HMGCLL1: variants seen among roughly 807,000 people sequenced by gnomAD.
HMGCLL1 encodes 3-hydroxymethyl-3-methylglutaryl-CoA lyase, cytoplasmic.
In HMGCLL1, 36 loss-of-function variants were observed where a neutral mutation model predicts 39.1. The ratio of observed to expected loss-of-function variants is 0.92; its 90% confidence interval spans 0.71 to 1.22. The LOEUF (loss-of-function observed/expected upper bound fraction) is 1.22. HMGCLL1 is among the 50% of genes most tolerant of loss of function. The pLI, the probability that HMGCLL1 is intolerant of heterozygous loss-of-function variation, is 0.00. For missense variants in HMGCLL1, 451 were observed against 416.5 expected, an observed-to-expected ratio of 1.08 and a Z score of -0.72; for synonymous variants, 149 against 144.0, an observed-to-expected ratio of 1.03 and a Z score of -0.25.
intron 7 of HMGCLL1, among the ~76,000 whole-genome samples, chr6:55,463,632 C>A (rs1225106353): frequency 6.6e-6 from 1 of 152,114 alleles, no homozygotes; most frequent in African/African-American, 2.4e-5. Flanking sequence ...GGGGCAACTG[C>A]AGACATTTAC....
At chr6:55,462,547 G>C (rs931677066) in intron 7 of HMGCLL1, among the ~76,000 whole-genome samples, 1 of 152,022 alleles carries the variant, frequency 6.6e-6, no homozygotes, top group African/African-American at 2.4e-5. Context: ...AGAGACTTAA[G>C]TTTCAAAACA....
chr6:55,453,530 T>C (rs1333529664), intron 7 of HMGCLL1, among the ~76,000 whole-genome samples: 3 of 152,182 alleles, frequency 2.0e-5, no homozygotes, highest in African/African-American at 4.8e-5. Flanking sequence ...CTCCTGATCA[T>C]GGGAAGCCCT....
the HMGCLL1 span, among the ~76,000 whole-genome samples, chr6:55,637,433 A>C: frequency 7.5e-5 from 10 of 132,696 alleles, no homozygotes; most frequent in South Asian, 2.3e-4. Context: ...CATGTTCACG[A>C]AAAATTGGTC....
Position 55,544,246 on chromosome 6 carries a change from T to A in HMGCLL1, c.109-2106A>T, listed in dbSNP as rs372045767. On this transcript the variant is annotated intron_variant, in intron 1 of 8. Coordinates refer to ENST00000274901, the MANE Select transcript of HMGCLL1 (RefSeq NM_001042406.2). ...CAGACTAGGTACCATGGATCTAGTT[T>A]AGAAGATATATTTGCCTTCTAAATA... Among the ~76,000 whole-genome samples the A allele has an allele frequency of 4.5e-4, 68 of 152,256 alleles. 1 individual carries two copies. In the Middle Eastern group the frequency reaches 0.017, roughly 38 times the overall value.
intron 7 of HMGCLL1, among the ~76,000 whole-genome samples, chr6:55,453,716 A>G (rs1413460252): frequency 6.6e-6 from 1 of 152,240 alleles, no homozygotes; most frequent in Non-Finnish European, 1.5e-5. Context: ...TTAGAAAATT[A>G]GTGCAATACA....
the HMGCLL1 span, among the ~76,000 whole-genome samples, chr6:55,619,984 T>A: frequency 6.6e-6 from 1 of 152,134 alleles, no homozygotes; most frequent in Non-Finnish European, 1.5e-5. Flanking sequence ...CATAATGACT[T>A]CCATTTCCAT....
At chr6:55,445,089 A>G (rs1763758660) in intron 7 of HMGCLL1, among the ~76,000 whole-genome samples, 1 of 152,076 alleles carries the variant, frequency 6.6e-6, no homozygotes, top group Non-Finnish European at 1.5e-5. Flanking sequence ...TATATGACCT[A>G]TAAAGGAGAA....
intron 1 of HMGCLL1, among the ~76,000 whole-genome samples, chr6:55,553,630 G>A (rs1250344553): frequency 2.0e-5 from 3 of 152,084 alleles, no homozygotes; most frequent in African/African-American, 7.2e-5. Flanking sequence ...GATTAAATGA[G>A]AATGTGTATA....
chr6:55,583,947 A>G (rs1358675365), upstream of HMGCLL1, among the ~76,000 whole-genome samples: 1 of 152,036 alleles, frequency 6.6e-6, no homozygotes, highest in African/African-American at 2.4e-5. Context: ...GAACCAGGTG[A>G]CCTTTTTTTC....
chr6:55,605,724 G>C, the HMGCLL1 span, among the ~76,000 whole-genome samples: 1 of 152,044 alleles, frequency 6.6e-6, no homozygotes, highest in Non-Finnish European at 1.5e-5. Context: ...ATTTTCTATA[G>C]TGCTGTATCC....
At chr6:55,560,032 G>T (rs908175678) in intron 1 of HMGCLL1, among the ~76,000 whole-genome samples, 4 of 151,946 alleles carry the variant, frequency 2.6e-5, no homozygotes, top group African/African-American at 9.7e-5. Context: ...TAATTCATTC[G>T]TTCATTCACA....
the HMGCLL1 span, among the ~76,000 whole-genome samples, chr6:55,614,464 A>G: frequency 6.6e-6 from 1 of 152,108 alleles, no homozygotes; most frequent in East Asian, 1.9e-4. Context: ...TGAGAAATAA[A>G]TGTCTATTGT....
At chr6:55,483,975 G>C (rs1175636313) in intron 7 of HMGCLL1, among the ~76,000 whole-genome samples, 1 of 151,968 alleles carries the variant, frequency 6.6e-6, no homozygotes, top group South Asian at 2.1e-4. Context: ...GGAAAGAATG[G>C]GTTAGGTAAT....
At chr6:55,612,380 A>C in the HMGCLL1 span, among the ~76,000 whole-genome samples, 1 of 152,200 alleles carries the variant, frequency 6.6e-6, no homozygotes, top group Non-Finnish European at 1.5e-5. Context: ...GTCCAAAGTA[A>C]TTTATAGATT....
At chr6:55,627,921 A>ATATAGTATATATAAT in the HMGCLL1 span, among the ~76,000 whole-genome samples, 1 of 2,116 alleles carries the variant, frequency 4.7e-4, no homozygotes, top group Non-Finnish European at 9.2e-4. Flanking sequence ...ATATATATAT[A>ATATAGTATATATAAT]ATATATATAC....
At chr6:55,590,968 G>A in the HMGCLL1 span, among the ~76,000 whole-genome samples, 4 of 151,950 alleles carry the variant, frequency 2.6e-5, no homozygotes, top group Admixed American at 6.6e-5. Context: ...AAAACTATTC[G>A]GAAGTAACAA....
chr6:55,487,557 T>C (rs540259154), intron 7 of HMGCLL1, among the ~76,000 whole-genome samples: 2 of 152,174 alleles, frequency 1.3e-5, no homozygotes, highest in South Asian at 2.1e-4. Flanking sequence ...TTTGGTTTTC[T>C]GGTCGTGTGA....
intron 7 of HMGCLL1, among the ~76,000 whole-genome samples, chr6:55,472,270 T>G (rs1765080986): frequency 6.6e-6 from 1 of 151,670 alleles, no homozygotes; most frequent in African/African-American, 2.4e-5. Context: ...CGTTCCACAT[T>G]TTTGCCAGTA....
At chr6:55,590,145 TC>T in the HMGCLL1 span, among the ~76,000 whole-genome samples, 1 of 152,144 alleles carries the variant, frequency 6.6e-6, no homozygotes, top group Non-Finnish European at 1.5e-5. Flanking sequence ...CTCCCTGACT[TC>T]AAACTATACT....
Sources: allele counts gnomAD v4.1 joint callset (sites outside exome capture counted in the v4.1 genomes callset), GRCh38; gene constraint gnomAD v4.1.1; transcripts MANE v1.5; gene names NCBI Gene and HGNC (gene_info 2026-07-23, HGNC 2026-07-21).